KLHL35: variants seen among roughly 807,000 people sequenced by gnomAD.
The protein encoded by KLHL35 is kelch like family member 35, also known as kelch-like protein 35.
KLHL35 carries 50 observed loss-of-function variants against 44.0 expected under a neutral mutation model. That is an observed-to-expected ratio of 1.14 (90% CI 0.91 to 1.44). The LOEUF (loss-of-function observed/expected upper bound fraction) is 1.44, where lower values mean the gene tolerates loss of function less well. Among genes scored for constraint, KLHL35 ranks in the 40% most tolerant of loss-of-function variants. The pLI is 0.00. For missense variants in KLHL35, 1,049 were observed against 887.8 expected, an observed-to-expected ratio of 1.18 and a Z score of -2.31; for synonymous variants, 470 against 410.4, an observed-to-expected ratio of 1.15 and a Z score of -1.76.
intron 4 of KLHL35, chr11:75,426,248 G>A (rs1362914186): frequency 4.0e-6 from 1 of 249,626 alleles, no homozygotes; most frequent in Non-Finnish European, 7.7e-6. Context: ...GCGCCCGGCC[G>A]ACAGATTCTT....
chr11:75,428,590 G>T lies in KLHL35; in HGVS notation c.918C>A (p.Gly306=). The change falls in exon 3 of 7, where the codon GGC becomes GGA. Residue 306 remains glycine, a synonymous_variant. Transcript: ENST00000539798. ...TCAGGAGACCTTTGCGGTCGCAACC[G>T]CCGATGACCACGATCACTTCAGCTA... ...MDLAEVIVVI[G]GCDRKGLLKL... is the part of the protein sequence containing the mutation. 6.2e-7 allele frequency: 1 copy of T among 1,605,716 alleles called. No homozygotes were observed. The highest frequency in any genetic ancestry group is 8.5e-7 in the Non-Finnish European group (1 of 1,176,534).
chr11:75,430,563 G>T lies in KLHL35; in HGVS notation c.67C>A (p.His23Asn). The change falls in exon 2 of 7, where the codon CAC becomes AAC. Residue 23 changes from histidine to asparagine, a missense_variant. By Grantham distance (68) the His-to-Asn change is moderately conservative. Coordinates refer to ENST00000539798, the MANE Select transcript of KLHL35 (RefSeq NM_001039548.3). Reference protein sequence around the residue: ...GCEAPCAGPCHAQRVLQALNA... With the variant: ...GCEAPCAGPCNAQRVLQALNA... The stretch of plus-strand genomic sequence containing the variant: ...AGGGCCTGCAGCACGCGCTGCGCGT[G>T]GCACGGACCCGCGCACGGCGCTTCG... 11 of 1,445,854 alleles carry T rather than the reference G, an allele frequency of 7.6e-6. No homozygotes were observed. The highest frequency in any genetic ancestry group is 1.0e-5 in the Non-Finnish European group (11 of 1,102,036). 89.6% of individuals were successfully genotyped at this position (1,445,854 alleles called of 1,614,324 possible). A position where few individuals can be genotyped will look rare whatever the true frequency, so the allele number is the denominator to read the frequency against.
chr11:75,423,487 C>G (rs905751234), intron 6 of KLHL35: 9 of 580,434 alleles, frequency 1.6e-5, no homozygotes, highest in African/African-American at 9.3e-5. Flanking sequence ...TTAACAGGGC[C>G]TAGTTGTTGG....
intron 2 of KLHL35, 118 bp downstream of exon 2, chr11:75,429,631 T>C: frequency 7.9e-7 from 1 of 1,269,766 alleles, no homozygotes; most frequent in Non-Finnish European, 1.0e-6. Flanking sequence ...CTCTAAAATG[T>C]TGAACGAATG....
At position 75,433,120 on chromosome 11, in the gene KLHL35, C is replaced by T. The variant is rs539289101; in HGVS notation, c.-79G>A. Among the ~76,000 whole-genome samples, 4 of 152,302 alleles carry T rather than the reference C, an allele frequency of 2.6e-5. No individual in the cohort carries two copies. The highest frequency in any genetic ancestry group is 2.6e-4 in the Admixed American group (4 of 15,296). The stretch of plus-strand genomic sequence containing the variant: ...CTCCCGTTTGTGCCTGCCGCCCGCA[C>T]CCCTGGCAGCCCAAGCTCCAGTGTT... On this transcript the variant is annotated 5_prime_UTR_variant, in exon 1 of 7. The change creates a new upstream start codon in the 5' untranslated region. Transcript: ENST00000539798.
Position 75,429,814 on chromosome 11 carries a change from C to A in KLHL35, c.816G>T (p.Leu272=). Residue 272 remains leucine, a synonymous_variant, in exon 2 of 7, where the codon CTG becomes CTT. Coordinates refer to ENST00000539798, the MANE Select transcript of KLHL35 (RefSeq NM_001039548.3). ...LQACGECRPL[L]LEARACFILG... ...GGATGAAGCAGGCGCGAGCCTCGAG[C>A]AGCAGCGGGCGGCACTCGCCGCAGG... 3 of 1,511,414 alleles carry A rather than the reference C, an allele frequency of 2.0e-6. No homozygotes were observed. The highest frequency in any genetic ancestry group is 2.6e-6 in the Non-Finnish European group (3 of 1,137,026). 93.6% of individuals were successfully genotyped at this position (1,511,414 alleles called of 1,614,324 possible).
rs1347522377 is a variant in KLHL35 at position 75,430,308 on chromosome 11, C to T, written c.322G>A (p.Asp108Asn). The T allele has an allele frequency of 3.2e-6, 4 of 1,247,112 alleles. No individual in the cohort carries two copies. The highest frequency in any genetic ancestry group is 1.6e-5 in the African/African-American group (1 of 62,312). 77.3% of individuals were successfully genotyped at this position (1,247,112 alleles called of 1,614,324 possible). Residue 108 changes from aspartate (D) to asparagine (N), a missense_variant, in exon 2 of 7, where the codon GAC (aspartate) becomes AAC (asparagine). Physicochemically the swap from Asp to Asn is conservative, Grantham distance 23. Coordinates refer to ENST00000539798, the MANE Select transcript of KLHL35 (RefSeq NM_001039548.3). ...GAAAALAVVLDYVYGAGVRLR... is the reference protein window; with the variant it reads ...GAAAALAVVLNYVYGAGVRLR... ...CGCACGCCCGCTCCGTACACGTAGT[C>T]GAGCACCACGGCCAGCGCCGCCGCC... is the stretch of plus-strand genomic sequence containing the variant.
intron 2 of KLHL35, 107 bp from the exon 3 acceptor site, chr11:75,428,733 C>T (rs1187489029): frequency 3.0e-6 from 3 of 995,546 alleles, no homozygotes; most frequent in Non-Finnish European, 4.2e-6. Context: ...TGCGTTTCTG[C>T]CATCACCCCC....
chr11:75,430,137 A>AGGC lies in KLHL35; in HGVS notation c.490_492dup (p.Ala164dup). On this transcript the variant is annotated inframe_insertion, in exon 2 of 7. Coordinates refer to ENST00000539798, the MANE Select transcript of KLHL35 (RefSeq NM_001039548.3). ...CGCTCGGCCAGCGGGGCCAGCGAGA[A>AGGC]GGCGGCGGCCACGCGGCGCAGCGCT... is the stretch of plus-strand genomic sequence containing the variant. The AGGC allele has an allele frequency of 4.0e-6, 5 of 1,257,840 alleles. No homozygotes were observed. Among genetic ancestry groups the AGGC allele is most frequent in the Non-Finnish European group, 5.0e-6 (5 of 1,004,726 alleles). 77.9% of individuals were successfully genotyped at this position (1,257,840 alleles called of 1,614,324 possible). A position where few individuals can be genotyped will look rare whatever the true frequency, so the allele number is the denominator to read the frequency against.
At chr11:75,427,437 C>T (rs1256884808) in intron 3 of KLHL35, among the ~76,000 whole-genome samples, 2 of 152,200 alleles carry the variant, frequency 1.3e-5, no homozygotes, top group Non-Finnish European at 2.9e-5. Context: ...AGCCTGTGAC[C>T]AGAGCCACAT....
At chr11:75,429,343 C>T (rs112578432) in intron 2 of KLHL35, among the ~76,000 whole-genome samples, 2,008 of 152,320 alleles carry the variant, frequency 0.013, 45 homozygotes, top group African/African-American at 0.045. Flanking sequence ...CTGCCCAGAG[C>T]CTCCCAGTCT....
chr11:75,428,129 A>T (rs1213175950), intron 3 of KLHL35, among the ~76,000 whole-genome samples: 1 of 152,262 alleles, frequency 6.6e-6, no homozygotes, highest in African/African-American at 2.4e-5. Context: ...GGATTTAATG[A>T]TAACGAATGT....
rs12276791 is a variant in KLHL35, at chr11:75,422,841, G to C, written c.1564-73C>G. The C allele has an allele frequency of 1.4e-3, 1,913 of 1,409,894 alleles. 23 individuals are homozygous for C. The African/African-American group carries it at 0.023, about 17-fold the overall frequency. The allele number at this position is 1,409,894 out of a possible 1,614,324, so 87.3% of individuals were successfully genotyped here. A position where few individuals can be genotyped will look rare whatever the true frequency, so the allele number is the denominator to read the frequency against. ...CCTCTGTCCCTGCCTGGCCAGGCCA[G>C]ATAATAGAACCTTGACCCACAGACT... is the stretch of plus-strand genomic sequence containing the variant. On this transcript the variant is annotated intron_variant, in intron 6 of 6. Transcript: ENST00000539798.
rs1170923268 is a variant in KLHL35 at position 75,426,622 on chromosome 11, A to C, written c.1083T>G (p.Ser361Arg). 1 of 1,599,436 alleles carries C rather than the reference A, an allele frequency of 6.3e-7. No individual in the cohort carries two copies. Among genetic ancestry groups the C allele is most frequent in the Admixed American group, 1.7e-5 (1 of 58,856 alleles). Residue 361 changes from serine to arginine, a missense_variant, in exon 4 of 7, where the codon AGT (serine) becomes AGG (arginine). Transcript: ENST00000539798. ...GGGAGCTAAACATCCACACATCATG[A>C]CTGTTGATGTGGCCTCCTAGGGAGA... The part of the protein sequence containing the change: ...DVYVSGGHIN[S>R]HDVWMFSSHL...
chr11:75,423,593 T>C, intron 6 of KLHL35, 99 bp downstream of exon 6: 1 of 972,578 alleles, frequency 1.0e-6, no homozygotes, highest in South Asian at 1.5e-5. Context: ...GAGTGATGTA[T>C]AATAAAACCA....
In KLHL35 at chr11:75,423,834, G is replaced by C; in HGVS notation, c.1421C>G (p.Pro474Arg). ...GAGACACCGCTGTGAGAAGGGTGCTGGTGACCGCAGGCTCCACCGGTCCTC... is the reference window on the plus strand; with the variant it reads ...GAGACACCGCTGTGAGAAGGGTGCTCGTGACCGCAGGCTCCACCGGTCCTC... ...PKEDRWSLRS[P>R]APFSQRCLEA... The change falls in exon 6 of 7, where the codon CCA becomes CGA. Residue 474 changes from proline (P) to arginine (R), a missense_variant. Pro to Arg is a moderately radical substitution (Grantham distance 103). Transcript: ENST00000539798. The C allele has an allele frequency of 6.2e-7, 1 of 1,613,814 alleles. No homozygotes were observed. The highest frequency in any genetic ancestry group is 8.5e-7 in the Non-Finnish European group (1 of 1,179,844).
Position 75,430,277 on chromosome 11 carries a change from C to A in KLHL35, c.353G>T (p.Arg118Leu). The change falls in exon 2 of 7, where the codon CGC becomes CTC. Residue 118 changes from arginine to leucine, a missense_variant. By Grantham distance (102) the Arg-to-Leu change is moderately radical (BLOSUM62 -2). Coordinates refer to ENST00000539798, the MANE Select transcript of KLHL35 (RefSeq NM_001039548.3). ...DYVYGAGVRL[R>L]AEDEAAAVLA... ...CACGGCCGCCGCCTCGTCCTCCGCG[C>A]GCAGCCGCACGCCCGCTCCGTACAC... 1 of 1,205,670 alleles carries A rather than the reference C, an allele frequency of 8.3e-7. No individual in the cohort carries two copies. Among genetic ancestry groups the A allele is most frequent in the Non-Finnish European group, 1.0e-6 (1 of 974,222 alleles). 74.7% of individuals were successfully genotyped at this position (1,205,670 alleles called of 1,614,324 possible).
chr11:75,426,692 C>A, intron 3 of KLHL35, 54 bp from the exon 4 acceptor site: 1 of 1,266,598 alleles, frequency 7.9e-7, no homozygotes, highest in Non-Finnish European at 1.1e-6. Context: ...TCCCAAGCAC[C>A]CCCAAAGAGC....
At chr11:75,428,004 C>G (rs1206809552) in intron 3 of KLHL35, among the ~76,000 whole-genome samples, 3 of 152,202 alleles carry the variant, frequency 2.0e-5, no homozygotes, top group African/African-American at 7.2e-5. Flanking sequence ...AGGGAGGACA[C>G]AGTTTGTTGG....
Sources: allele counts gnomAD v4.1 joint callset (sites outside exome capture counted in the v4.1 genomes callset), GRCh38; gene constraint gnomAD v4.1.1; transcripts MANE v1.5; gene names NCBI Gene and HGNC (gene_info 2026-07-23, HGNC 2026-07-21).